Variants in SNTG2 observed in about 807,000 individuals in gnomAD.
SNTG2 encodes the protein gamma-2-syntrophin.
A neutral mutation model predicts 70.9 loss-of-function variants in SNTG2; 74 were observed. That is an observed-to-expected ratio of 1.04 (90% CI 0.86 to 1.27). SNTG2 has a LOEUF of 1.27. SNTG2 is among the 50% of genes most tolerant of loss of function. SNTG2 has a pLI of 0.00. For missense variants in SNTG2, 717 were observed against 690.7 expected (o/e 1.04, Z -0.43); for synonymous variants, 278 against 273.8 (o/e 1.02, Z -0.15).
chr2:1,054,759 T>G (rs886142243), intron 1 of SNTG2, among the ~76,000 whole-genome samples: 1 of 152,182 alleles, frequency 6.6e-6, no homozygotes, highest in East Asian at 1.9e-4. Flanking sequence ...TGTTGATGTA[T>G]TTTTGGATTT....
At chr2:1,212,022 T>G (rs1674079646) in intron 9 of SNTG2, among the ~76,000 whole-genome samples, 1 of 146,034 alleles carries the variant, frequency 6.8e-6, no homozygotes, top group South Asian at 2.1e-4. Context: ...GTCAGCCGAC[T>G]GCCTGAGCCT....
At chr2:1,337,780 A>C (rs915758615) in intron 16 of SNTG2, among the ~76,000 whole-genome samples, 1 of 152,182 alleles carries the variant, frequency 6.6e-6, no homozygotes, top group Non-Finnish European at 1.5e-5. Flanking sequence ...ATTGTTGCCA[A>C]ACCCAATGTC....
intron 6 of SNTG2, among the ~76,000 whole-genome samples, chr2:1,162,957 G>C (rs991339914): frequency 5.9e-5 from 9 of 152,208 alleles, no homozygotes; most frequent in African/African-American, 1.4e-4. Context: ...TGAACAGCAG[G>C]GGAGGAAAGA....
intron 2 of SNTG2, among the ~76,000 whole-genome samples, chr2:1,096,881 G>A (rs554136547): frequency 4.8e-4 from 73 of 152,276 alleles, no homozygotes; most frequent in African/African-American, 1.6e-3. Context: ...ATGAGAGCCC[G>A]TGGTATGGAT....
At chr2:1,102,383 C>T (rs1254150715) in intron 4 of SNTG2, among the ~76,000 whole-genome samples, 1 of 152,118 alleles carries the variant, frequency 6.6e-6, no homozygotes, top group Non-Finnish European at 1.5e-5. Flanking sequence ...GCAGGAGGGG[C>T]TGCCGTGCCC....
intron 15 of SNTG2, among the ~76,000 whole-genome samples, chr2:1,309,096 T>C (rs1295405641): frequency 6.6e-6 from 1 of 152,258 alleles, no homozygotes; most frequent in Non-Finnish European, 1.5e-5. Context: ...TTTGTCATAA[T>C]ATTTTTTAAA....
Position 1,275,011 on chromosome 2 carries a change from CAT to C in SNTG2, c.1284+7441_1284+7442del, listed in dbSNP as rs1679212174. Among the ~76,000 whole-genome samples the C allele has an allele frequency of 2.0e-5, 3 of 152,354 alleles. No individual in the cohort carries two copies. The South Asian group carries it at 6.2e-4, about 32-fold the overall frequency. On this transcript the variant is annotated intron_variant, in intron 14 of 16. Coordinates refer to ENST00000308624, the MANE Select transcript of SNTG2 (RefSeq NM_018968.4). Reference sequence around the variant, plus strand: ...TGCAGTAGATCAAAGAGGAAGCCGACATGTGCAAAGGGGCCAAATATGAAGTG... The same window carrying C: ...TGCAGTAGATCAAAGAGGAAGCCGACGTGCAAAGGGGCCAAATATGAAGTG...
At chr2:1,234,741 A>G (rs967285778) in intron 9 of SNTG2, among the ~76,000 whole-genome samples, 1 of 152,172 alleles carries the variant, frequency 6.6e-6, no homozygotes, top group Admixed American at 6.5e-5. Context: ...CTTTCTCAAG[A>G]CCACAGCATC....
chr2:1,165,188 C>T (rs576179660), intron 6 of SNTG2, among the ~76,000 whole-genome samples: 1 of 152,244 alleles, frequency 6.6e-6, no homozygotes, highest in South Asian at 2.1e-4. Context: ...CATGTTTTGC[C>T]AGTGACTGAA....
chr2:1,007,770 A>G (rs1659613941), intron 1 of SNTG2, among the ~76,000 whole-genome samples: 1 of 152,006 alleles, frequency 6.6e-6, no homozygotes, highest in African/African-American at 2.4e-5. Flanking sequence ...TTGTTTTGTT[A>G]TGTTTTTGGT....
chr2:1,227,880 C>T (rs933100819), intron 9 of SNTG2, among the ~76,000 whole-genome samples: 11 of 152,316 alleles, frequency 7.2e-5, no homozygotes, highest in African/African-American at 2.6e-4. Flanking sequence ...CATTCTGTGG[C>T]ACCAAACACC....
intron 6 of SNTG2, among the ~76,000 whole-genome samples, chr2:1,145,359 G>C (rs1430545707): frequency 2.0e-5 from 3 of 152,086 alleles, no homozygotes; most frequent in Admixed American, 2.0e-4. Context: ...TATGCAAAGA[G>C]AGAACACAAG....
intron 1 of SNTG2, among the ~76,000 whole-genome samples, chr2:990,791 CTT>C (rs1249669172): frequency 6.6e-6 from 1 of 151,870 alleles, no homozygotes; most frequent in Non-Finnish European, 1.5e-5. Flanking sequence ...TACAATAACT[CTT>C]TTTATATCAT....
At chr2:1,221,121 C>T (rs1329885224) in intron 9 of SNTG2, among the ~76,000 whole-genome samples, 1 of 152,252 alleles carries the variant, frequency 6.6e-6, no homozygotes, top group African/African-American at 2.4e-5. Context: ...GTCATTCTCC[C>T]AACTCACTTC....
chr2:1,134,492 CAG>C lies in SNTG2; in HGVS notation c.326-3127_326-3126del, dbSNP rs571950597. ...CAAGTCTCCATCAGGTAGCTAGATA[CAG>C]AGTGTCGATTGGTGCATTCACAAAC... On this transcript the variant is annotated intron_variant, in intron 4 of 16. Coordinates refer to ENST00000308624, the MANE Select transcript of SNTG2 (RefSeq NM_018968.4). Among the ~76,000 whole-genome samples the C allele has an allele frequency of 6.3e-3, 947 of 151,094 alleles. 9 individuals carry two copies. The highest frequency in any genetic ancestry group is 0.011 in the Non-Finnish European group (720 of 67,580).
chr2:1,233,672 A>G (rs28568870), intron 9 of SNTG2, among the ~76,000 whole-genome samples: 48,206 of 152,170 alleles, frequency 0.32, 9,109 homozygotes, highest in African/African-American at 0.53. Flanking sequence ...ACGTTAAGAC[A>G]TGTGCTTTGA....
rs547438895 is a variant in SNTG2 at position 1,098,370 on chromosome 2, C to T, written c.285C>T (p.Asn95=). The change falls in exon 4 of 17, where the codon AAC becomes AAT. Residue 95 remains asparagine (N), a synonymous_variant. Transcript: ENST00000308624. ...TCTTTCAGGGAGGTTCTGAGCACAA[C>T]GTCCCTGTCGTCATATCAAAAATAT... is the stretch of plus-strand genomic sequence containing the variant. The part of the protein sequence containing the change: ...GLSIKGGSEH[N]VPVVISKIFE... The T allele has an allele frequency of 8.1e-6, 13 of 1,613,854 alleles. No homozygotes were observed. Among genetic ancestry groups the T allele is most frequent in the Middle Eastern group, 1.6e-4 (1 of 6,084 alleles).
chr2:1,131,924 A>G (rs1668044764), intron 4 of SNTG2, among the ~76,000 whole-genome samples: 1 of 152,238 alleles, frequency 6.6e-6, no homozygotes, highest in East Asian at 1.9e-4. Flanking sequence ...TGCTGGGATT[A>G]TAGGCGTGAG....
intron 14 of SNTG2, among the ~76,000 whole-genome samples, chr2:1,305,164 A>G (rs1323608341): frequency 2.0e-5 from 3 of 152,210 alleles, no homozygotes; most frequent in Non-Finnish European, 1.5e-5. Context: ...CAAACCATGA[A>G]GTGTTCTGCA....
Sources: gnomAD v4.1 joint callset for allele counts (sites outside exome capture counted in the v4.1 genomes callset) on GRCh38, gnomAD v4.1.1 for gene constraint, MANE v1.5 for transcripts, NCBI Gene and HGNC (gene_info 2026-07-23, HGNC 2026-07-21) for gene names.